The following PPP2R2B variants were observed in gnomAD, a reference collection of about 807,000 sequenced individuals.
PPP2R2B encodes the protein protein phosphatase 2 regulatory subunit Bbeta.
PPP2R2B carries 5 observed loss-of-function variants against 46.0 expected under a neutral mutation model. That is an observed-to-expected ratio of 0.11 (90% CI 0.06 to 0.23). PPP2R2B has a LOEUF of 0.23. PPP2R2B is among the 10% of genes least tolerant of loss of function. The pLI, the probability that PPP2R2B is intolerant of heterozygous loss-of-function variation, is 1.00. For missense variants in PPP2R2B, 367 were observed against 575.0 expected (o/e 0.64, Z 3.70); for synonymous variants, 215 against 206.7 (o/e 1.04, Z -0.34).
At chr5:146,647,824 C>T (rs1043025527) in intron 6 of PPP2R2B, among the ~76,000 whole-genome samples, 1 of 152,170 alleles carries the variant, frequency 6.6e-6, no homozygotes, top group Non-Finnish European at 1.5e-5. Flanking sequence ...GGAACCACCA[C>T]CCACACTCAT....
chr5:146,936,086 C>A (rs1764129944), intron 1 of PPP2R2B, among the ~76,000 whole-genome samples: 1 of 152,132 alleles, frequency 6.6e-6, no homozygotes, highest in South Asian at 2.1e-4. Flanking sequence ...GGCATTCCAA[C>A]AAGGAATAAT....
At chr5:146,871,495 T>C (rs1294664615) in intron 2 of PPP2R2B, among the ~76,000 whole-genome samples, 1 of 152,216 alleles carries the variant, frequency 6.6e-6, no homozygotes, top group African/African-American at 2.4e-5. Context: ...CCATAAACAT[T>C]TTTTTCTGTT....
chr5:146,697,927 T>C (rs2151162616), intron 4 of PPP2R2B, 52 bp downstream of exon 4: 13 of 1,528,120 alleles, frequency 8.5e-6, no homozygotes, highest in Non-Finnish European at 1.2e-5. Flanking sequence ...GATTGAAGTA[T>C]ATAGTTTGGC....
chr5:146,986,344 A>C (rs1428145492), intron 1 of PPP2R2B, among the ~76,000 whole-genome samples: 1 of 152,230 alleles, frequency 6.6e-6, no homozygotes, highest in East Asian at 1.9e-4. Flanking sequence ...GGGTGTACTT[A>C]GACCTATCCC....
chr5:146,897,626 T>G (rs1762688261), intron 1 of PPP2R2B, among the ~76,000 whole-genome samples: 1 of 151,846 alleles, frequency 6.6e-6, no homozygotes, highest in Non-Finnish European at 1.5e-5. Context: ...ACCTACACTG[T>G]GAGGGGAAAA....
intron 2 of PPP2R2B, among the ~76,000 whole-genome samples, chr5:146,833,002 T>C (rs115727135): frequency 1.1e-4 from 17 of 152,074 alleles, no homozygotes; most frequent in Non-Finnish European, 1.8e-4. Context: ...CTTTGCAAAC[T>C]AGATAGGGAA....
At chr5:146,622,030 A>G (rs1048748425) in intron 7 of PPP2R2B, among the ~76,000 whole-genome samples, 1 of 152,158 alleles carries the variant, frequency 6.6e-6, no homozygotes, top group African/African-American at 2.4e-5. Flanking sequence ...CCAGAAAAAT[A>G]CTTGTGTTCC....
intron 1 of PPP2R2B, among the ~76,000 whole-genome samples, chr5:147,055,328 C>T (rs1757029953): frequency 6.6e-6 from 1 of 152,234 alleles, no homozygotes; most frequent in South Asian, 2.1e-4. Context: ...GCAGCACCTA[C>T]TGATTTTTGT....
chr5:147,039,919 A>G (rs1756216555), intron 1 of PPP2R2B, among the ~76,000 whole-genome samples: 1 of 152,144 alleles, frequency 6.6e-6, no homozygotes, highest in Non-Finnish European at 1.5e-5. Flanking sequence ...CCAACACTAA[A>G]TTTCCTCTGT....
intron 7 of PPP2R2B, among the ~76,000 whole-genome samples, chr5:146,604,386 T>G (rs968044946): frequency 2.2e-4 from 34 of 152,190 alleles, no homozygotes; most frequent in African/African-American, 7.0e-4. Context: ...CTGGAGACCC[T>G]TGGCTTGGCA....
chr5:146,942,999 G>A (rs997374298), intron 1 of PPP2R2B, among the ~76,000 whole-genome samples: 5 of 152,014 alleles, frequency 3.3e-5, no homozygotes, highest in African/African-American at 4.8e-5. Flanking sequence ...GGGTTTCACC[G>A]TGTTAGCCAG....
chr5:146,649,485 C>T (rs919490187), intron 6 of PPP2R2B, among the ~76,000 whole-genome samples: 3 of 151,814 alleles, frequency 2.0e-5, no homozygotes, highest in Non-Finnish European at 4.4e-5. Flanking sequence ...GGCTCTGTCA[C>T]CCAGACTGGA....
chr5:146,999,385 C>T (rs1754063907), intron 1 of PPP2R2B, among the ~76,000 whole-genome samples: 1 of 152,168 alleles, frequency 6.6e-6, no homozygotes, highest in Non-Finnish European at 1.5e-5. Flanking sequence ...CATTTGCCAG[C>T]CCCATCATTC....
chr5:147,025,635 A>G (rs1385896570), intron 1 of PPP2R2B, among the ~76,000 whole-genome samples: 1 of 151,996 alleles, frequency 6.6e-6, no homozygotes, highest in Non-Finnish European at 1.5e-5. Context: ...GAAAAGATAA[A>G]CCATAGGCCA....
At chr5:147,075,003 C>G (rs1757719904) in intron 2 of PPP2R2B, among the ~76,000 whole-genome samples, 2 of 152,092 alleles carry the variant, frequency 1.3e-5, no homozygotes, top group South Asian at 4.1e-4. Flanking sequence ...GAGGAACAAA[C>G]AAAGCACCCT....
intron 2 of PPP2R2B, among the ~76,000 whole-genome samples, chr5:146,752,190 C>G: frequency 6.6e-6 from 1 of 152,138 alleles, no homozygotes; most frequent in South Asian, 2.1e-4. Context: ...CAGCTTGAGA[C>G]GCTGTCAAGG....
intron 1 of PPP2R2B, among the ~76,000 whole-genome samples, chr5:146,988,700 C>T (rs1435946556): frequency 6.6e-6 from 1 of 151,406 alleles, no homozygotes; most frequent in African/African-American, 2.4e-5. Context: ...CATTATACCT[C>T]AAGGAACTAG....
intron 2 of PPP2R2B, among the ~76,000 whole-genome samples, chr5:146,840,395 C>T (rs1351708218): frequency 2.0e-5 from 3 of 152,108 alleles, no homozygotes; most frequent in African/African-American, 7.2e-5. Context: ...AATGACATAT[C>T]TAAAGTTATA....
intron 1 of PPP2R2B, among the ~76,000 whole-genome samples, chr5:146,940,957 G>A (rs538442618): frequency 4.9e-4 from 75 of 152,286 alleles, no homozygotes; most frequent in African/African-American, 1.8e-3. Flanking sequence ...TTGCCCTAGT[G>A]TTCAGACTTT....
Sources: gnomAD v4.1 joint callset for allele counts (sites outside exome capture counted in the v4.1 genomes callset) on GRCh38, gnomAD v4.1.1 for gene constraint, MANE v1.5 for transcripts, NCBI Gene and HGNC (gene_info 2026-07-23, HGNC 2026-07-21) for gene names.